Variants in TCEA3 observed in about 807,000 individuals in gnomAD.
TCEA3 encodes the protein transcription elongation factor A3, also known as transcription elongation factor A protein 3.
TCEA3 carries 36 observed loss-of-function variants against 44.0 expected under a neutral mutation model. That is an observed-to-expected ratio of 0.82 (90% CI 0.63 to 1.08). The LOEUF is 1.08. TCEA3 is among the 50% of genes least tolerant of loss of function. TCEA3 has a pLI of 0.00. For missense variants in TCEA3, 392 were observed against 441.2 expected (o/e 0.89, Z 1.00); for synonymous variants, 162 against 159.7 (o/e 1.01, Z -0.11).
chr1:23,384,119 G>GC (rs1426480462), intron 10 of TCEA3: 2 of 1,358,758 alleles, frequency 1.5e-6, no homozygotes, highest in African/African-American at 3.0e-5. Flanking sequence ...GTGGGCTGCT[G>GC]CCCCCACCCC....
chr1:23,413,434 T>C (rs1639794447), intron 4 of TCEA3, among the ~76,000 whole-genome samples: 1 of 149,656 alleles, frequency 6.7e-6, no homozygotes, highest in African/African-American at 2.5e-5. Context: ...AGCCCATATG[T>C]ATGTTCTTTT....
chr1:23,382,878 C>T (rs766690146), intron 10 of TCEA3, among the ~76,000 whole-genome samples: 3 of 150,864 alleles, frequency 2.0e-5, no homozygotes, highest in Non-Finnish European at 4.5e-5. Context: ...TCCCTAAGTG[C>T]TCAATAAGTG....
chr1:23,406,638 T>G (rs756048075), intron 5 of TCEA3, among the ~76,000 whole-genome samples: 11 of 152,138 alleles, frequency 7.2e-5, no homozygotes, highest in African/African-American at 1.2e-4. Context: ...TTGTTTTGTT[T>G]TGTTGTGTTG....
At chr1:23,401,122 G>T (rs1387967483) in intron 5 of TCEA3, among the ~76,000 whole-genome samples, 1 of 152,084 alleles carries the variant, frequency 6.6e-6, no homozygotes, top group Non-Finnish European at 1.5e-5. Flanking sequence ...GACTCTGCTG[G>T]TGACCTCCCT....
At chr1:23,383,799 G>C (rs1024969743) in intron 10 of TCEA3, 2 of 985,902 alleles carry the variant, frequency 2.0e-6, no homozygotes, top group Admixed American at 6.1e-5. Context: ...GCTCCCATGC[G>C]TGAAAACAAA....
chr1:23,387,465 G>T, intron 8 of TCEA3, 46 bp from the exon 9 acceptor site: 1 of 1,530,910 alleles, frequency 6.5e-7, no homozygotes, highest in Non-Finnish European at 8.8e-7. Context: ...AGTTTCAGGG[G>T]CCCTGCCCTA....
intron 4 of TCEA3, among the ~76,000 whole-genome samples, chr1:23,412,315 A>G (rs752234896): frequency 1.3e-5 from 2 of 151,592 alleles, no homozygotes; most frequent in African/African-American, 4.9e-5. Flanking sequence ...TGAGAGGATC[A>G]CTTGAGCCTA....
intron 7 of TCEA3, among the ~76,000 whole-genome samples, chr1:23,395,297 C>T (rs1465557510): frequency 6.6e-6 from 1 of 152,246 alleles, no homozygotes; most frequent in Non-Finnish European, 1.5e-5. Context: ...CTTTCTGACT[C>T]TGTCTCCATG....
chr1:23,393,760 G>A lies in TCEA3; in HGVS notation c.819+119C>T, dbSNP rs577877593. The A allele has an allele frequency of 5.2e-6, 7 of 1,343,000 alleles. No homozygotes were observed. The South Asian group carries it at 8.9e-5, about 17-fold the overall frequency. The allele number at this position is 1,343,000 out of a possible 1,614,324, so 83.2% of individuals were successfully genotyped here. A position where few individuals can be genotyped will look rare whatever the true frequency, so the allele number is the denominator to read the frequency against. On this transcript the variant is annotated intron_variant, in intron 8 of 10. Coordinates refer to ENST00000450454, the MANE Select transcript of TCEA3 (RefSeq NM_003196.3). Reference sequence around the variant, plus strand: ...AGCCCAGGGGGGAGGCTGAGATGAGGCTGGTTTGAAAAGCTCCCTGGCTCA... The same window carrying A: ...AGCCCAGGGGGGAGGCTGAGATGAGACTGGTTTGAAAAGCTCCCTGGCTCA...
At chr1:23,389,845 G>A (rs1001088626) in intron 8 of TCEA3, among the ~76,000 whole-genome samples, 1 of 152,116 alleles carries the variant, frequency 6.6e-6, no homozygotes, top group Non-Finnish European at 1.5e-5. Flanking sequence ...ATAACTGAAC[G>A]CAGAGTTGGG....
chr1:23,383,551 A>T (rs1450131546), intron 10 of TCEA3: 36 of 964,824 alleles, frequency 3.7e-5, no homozygotes, highest in Non-Finnish European at 4.2e-5. Context: ...GGTGAGTAAC[A>T]TGCTCAGCAT....
At chr1:23,423,428 T>C (rs758379213) in intron 1 of TCEA3, among the ~76,000 whole-genome samples, 4 of 152,200 alleles carry the variant, frequency 2.6e-5, no homozygotes, top group Non-Finnish European at 5.9e-5. Context: ...CTGGCCTTTA[T>C]ATGGACACCA....
At chr1:23,388,784 G>A (rs945525544) in intron 8 of TCEA3, among the ~76,000 whole-genome samples, 3 of 152,000 alleles carry the variant, frequency 2.0e-5, no homozygotes, top group Non-Finnish European at 4.4e-5. Flanking sequence ...AGGCTCAAAC[G>A]ATTCTCCCAC....
chr1:23,393,965 GGTTGCTTATGC>G lies in TCEA3; in HGVS notation c.722_732del (p.Arg241ProfsTer34). 1 of 1,614,024 alleles carries G rather than the reference GGTTGCTTATGC, an allele frequency of 6.2e-7. No homozygotes were observed. Among genetic ancestry groups the G allele is most frequent in the Non-Finnish European group, 8.5e-7 (1 of 1,179,902 alleles). ...AGGCCGGGGTTCCTGGGGTCCTTGAGGTTGCTTATGCGGCTGCGCACGCGGTTCCGGTACTT... is the reference window on the plus strand; with the variant it reads ...AGGCCGGGGTTCCTGGGGTCCTTGAGGGCTGCGCACGCGGTTCCGGTACTT... On this transcript the variant is annotated frameshift_variant, in exon 8 of 11. Coordinates refer to ENST00000450454, the MANE Select transcript of TCEA3 (RefSeq NM_003196.3). LOFTEE classifies it high-confidence loss of function.
intron 5 of TCEA3, among the ~76,000 whole-genome samples, chr1:23,402,862 G>T (rs1047524998): frequency 6.6e-6 from 1 of 152,172 alleles, no homozygotes; most frequent in Non-Finnish European, 1.5e-5. Context: ...ATAAATGAAT[G>T]AATACATGAT....
At chr1:23,399,146 A>ATATATATATG (rs1639314051) in intron 5 of TCEA3, among the ~76,000 whole-genome samples, 1 of 89,536 alleles carries the variant, frequency 1.1e-5, no homozygotes, top group Non-Finnish European at 1.9e-5. Flanking sequence ...GTATATATGT[A>ATATATATATG]TATATATATA....
intron 2 of TCEA3, 41 bp downstream of exon 2, chr1:23,419,036 C>T (rs762785955): frequency 2.7e-5 from 15 of 563,672 alleles, no homozygotes; most frequent in Admixed American, 3.9e-5. Flanking sequence ...CACCAGCTCT[C>T]CCCCCAGGCA....
chr1:23,387,181 C>A, intron 9 of TCEA3, 92 bp downstream of exon 9: 2 of 1,497,916 alleles, frequency 1.3e-6, no homozygotes, highest in African/African-American at 1.4e-5. Context: ...CGCTTTCTCC[C>A]CTCTGGCTCT....
intron 9 of TCEA3, among the ~76,000 whole-genome samples, chr1:23,386,822 G>A (rs912516786): frequency 2.0e-5 from 3 of 152,146 alleles, no homozygotes; most frequent in African/African-American, 7.2e-5. Flanking sequence ...CCGGGTTCAC[G>A]CCATTCTCCT....
Sources: gnomAD v4.1 joint callset for allele counts (sites outside exome capture counted in the v4.1 genomes callset) on GRCh38, gnomAD v4.1.1 for gene constraint, MANE v1.5 for transcripts, NCBI Gene and HGNC (gene_info 2026-07-23, HGNC 2026-07-21) for gene names.